Variants in MAF observed in about 807,000 individuals in gnomAD.
MAF encodes MAF bZIP transcription factor.
A neutral mutation model predicts 22.0 loss-of-function variants in MAF; 10 were observed. The ratio of observed to expected loss-of-function variants is 0.45; its 90% CI spans 0.28 to 0.77. The LOEUF (loss-of-function observed/expected upper bound fraction) is 0.77, where lower values mean the gene tolerates loss of function less well. Among genes scored for constraint, MAF ranks in the 30% least tolerant of loss-of-function variants. MAF has a pLI of 0.12. For synonymous variants in MAF, 337 were observed against 255.8 expected (o/e 1.32, Z -3.03); for missense variants, 544 against 548.4 (o/e 0.99, Z 0.08).
chr16:79,574,887 G>C, the MAF span, among the ~76,000 whole-genome samples: 929 of 152,292 alleles, frequency 6.1e-3, 10 homozygotes, highest in South Asian at 0.012. Context: ...GACATGCTGA[G>C]TTGTAAAACT....
At chr16:79,487,027 G>C in the MAF span, among the ~76,000 whole-genome samples, 2 of 152,058 alleles carry the variant, frequency 1.3e-5, no homozygotes, top group African/African-American at 4.8e-5. Context: ...CGAGGTGAGA[G>C]AGGTTGGGGA....
chr16:79,343,190 A>T, the MAF span, among the ~76,000 whole-genome samples: 2 of 152,162 alleles, frequency 1.3e-5, no homozygotes, highest in African/African-American at 4.8e-5. Flanking sequence ...CTGGTGCCAC[A>T]AATCTAAGAC....
At chr16:79,569,420 G>A in the MAF span, among the ~76,000 whole-genome samples, 2 of 152,116 alleles carry the variant, frequency 1.3e-5, no homozygotes, top group African/African-American at 2.4e-5. Context: ...GATGGGATGT[G>A]GTCTTTAACT....
chr16:79,452,198 C>A, the MAF span, among the ~76,000 whole-genome samples: 1 of 152,110 alleles, frequency 6.6e-6, no homozygotes, highest in Non-Finnish European at 1.5e-5. Context: ...AAATTGCTGA[C>A]CCCTGACAGA....
At chr16:79,598,579 G>GTGTGTGT (rs1491120604) in intron 1 of MAF, 1 of 1,327,254 alleles carries the variant, frequency 7.5e-7, no homozygotes, top group East Asian at 3.4e-5. Context: ...AGCAGGGTGT[G>GTGTGTGT]GGGTGTGTGT....
the MAF span, among the ~76,000 whole-genome samples, chr16:79,348,531 A>G: frequency 4.6e-5 from 7 of 152,216 alleles, no homozygotes; most frequent in African/African-American, 1.7e-4. Context: ...TTGGCACTTT[A>G]GTGTGATAAA....
the MAF span, among the ~76,000 whole-genome samples, chr16:79,332,798 T>G: frequency 6.6e-6 from 1 of 152,164 alleles, no homozygotes; most frequent in Non-Finnish European, 1.5e-5. Flanking sequence ...AAGTTAGGCT[T>G]TGAGGGTGAC....
chr16:79,583,409 T>A (rs956977076), downstream of MAF, among the ~76,000 whole-genome samples: 1 of 152,188 alleles, frequency 6.6e-6, no homozygotes, highest in African/African-American at 2.4e-5. Flanking sequence ...AAGTGCTGTT[T>A]ATACCAGTTC....
chr16:79,220,578 G>C, the MAF span, among the ~76,000 whole-genome samples: 2 of 151,974 alleles, frequency 1.3e-5, no homozygotes, highest in South Asian at 2.1e-4. Context: ...TTTTATTCTT[G>C]GAGAGTTAAA....
chr16:79,486,217 G>C, the MAF span, among the ~76,000 whole-genome samples: 1 of 152,106 alleles, frequency 6.6e-6, no homozygotes, highest in African/African-American at 2.4e-5. Context: ...ATAGTGATAG[G>C]CAAGAGAAGC....
chr16:79,211,297 T>G, the MAF span, among the ~76,000 whole-genome samples: 1 of 152,168 alleles, frequency 6.6e-6, no homozygotes, highest in Non-Finnish European at 1.5e-5. Flanking sequence ...ATACCATCTT[T>G]TTCTCTGTGT....
At chr16:79,595,930 A>G in intron 1 of MAF, 2 of 1,060,430 alleles carry the variant, frequency 1.9e-6, no homozygotes, top group Non-Finnish European at 1.1e-6. Flanking sequence ...TAAAGAGAAA[A>G]GCAAAACAAA....
chr16:79,516,241 A>AT, the MAF span: 1 of 152,132 alleles, frequency 6.6e-6, no homozygotes, highest in Admixed American at 6.6e-5. Context: ...ATTTAGGGCT[A>AT]TTTTTTACAA....
chr16:79,280,129 C>G, the MAF span, among the ~76,000 whole-genome samples: 1 of 152,184 alleles, frequency 6.6e-6, no homozygotes, highest in African/African-American at 2.4e-5. Flanking sequence ...TGATTTTCAG[C>G]TCTCTTTAAG....
chr16:79,422,480 G>A, the MAF span, among the ~76,000 whole-genome samples: 2 of 152,136 alleles, frequency 1.3e-5, no homozygotes, highest in Non-Finnish European at 2.9e-5. Flanking sequence ...ACCATTTACT[G>A]CCTCCAAGAC....
At chr16:79,561,555 G>C in the MAF span, among the ~76,000 whole-genome samples, 1 of 151,086 alleles carries the variant, frequency 6.6e-6, no homozygotes, top group African/African-American at 2.4e-5. Context: ...CTACGAGTGA[G>C]AACATGCAGT....
chr16:79,211,532 C>G, the MAF span: 5 of 1,589,048 alleles, frequency 3.1e-6, no homozygotes, highest in Non-Finnish European at 4.3e-6. Flanking sequence ...CTGCTAATGC[C>G]CAGGCAGTCG....
the MAF span, among the ~76,000 whole-genome samples, chr16:79,390,225 A>C: frequency 6.6e-6 from 1 of 152,012 alleles, no homozygotes; most frequent in Admixed American, 6.6e-5. Flanking sequence ...TTATTTTGGC[A>C]ATATTGCTTC....
At chr16:79,411,156 T>C in the MAF span, among the ~76,000 whole-genome samples, 1 of 152,182 alleles carries the variant, frequency 6.6e-6, no homozygotes, top group Non-Finnish European at 1.5e-5. Context: ...TGATTTTCCA[T>C]AATGTCCTTG....
Sources: allele counts gnomAD v4.1 joint callset (sites outside exome capture counted in the v4.1 genomes callset), GRCh38; gene constraint gnomAD v4.1.1; transcripts MANE v1.5; gene names NCBI Gene and HGNC (gene_info 2026-07-23, HGNC 2026-07-21).